MACROD2: variants seen among roughly 807,000 people sequenced by gnomAD.
The protein encoded by MACROD2 is mono-ADP ribosylhydrolase 2, also known as ADP-ribose glycohydrolase MACROD2.
In MACROD2, 36 loss-of-function variants were observed where a neutral mutation model predicts 70.4. That is an observed-to-expected ratio of 0.51 (90% CI 0.39 to 0.68). The LOEUF (loss-of-function observed/expected upper bound fraction) is 0.68, where lower values mean the gene tolerates loss of function less well. Among genes scored for constraint, MACROD2 ranks in the 30% least tolerant of loss-of-function variants. The pLI is 0.00. For synonymous variants in MACROD2, 172 were observed against 178.8 expected, an observed-to-expected ratio of 0.96 and a Z score of 0.30; for missense variants, 496 against 538.4, an observed-to-expected ratio of 0.92 and a Z score of 0.78.
chr20:14,259,432 G>C (rs1050154037), intron 3 of MACROD2, among the ~76,000 whole-genome samples: 11 of 152,086 alleles, frequency 7.2e-5, no homozygotes, highest in African/African-American at 2.7e-4. Flanking sequence ...TCCTTTGGGA[G>C]CTATTTTGCT....
chr20:14,821,763 A>G (rs2072847448), intron 5 of MACROD2, among the ~76,000 whole-genome samples: 3 of 152,198 alleles, frequency 2.0e-5, no homozygotes, highest in South Asian at 2.1e-4. Context: ...AGAACACTCA[A>G]GACCACTGGG....
chr20:14,189,973 A>G (rs1417188170), intron 3 of MACROD2, among the ~76,000 whole-genome samples: 1 of 152,194 alleles, frequency 6.6e-6, no homozygotes, highest in Non-Finnish European at 1.5e-5. Context: ...ACATTTACAT[A>G]AAGCTTCACT....
intron 8 of MACROD2, among the ~76,000 whole-genome samples, chr20:15,772,458 A>G (rs2051652361): frequency 6.6e-6 from 1 of 152,090 alleles, no homozygotes; most frequent in Non-Finnish European, 1.5e-5. Flanking sequence ...TCAACTGGCA[A>G]GGAAGCTAAG....
intron 5 of MACROD2, among the ~76,000 whole-genome samples, chr20:15,033,975 T>C (rs1400955001): frequency 6.6e-6 from 1 of 152,202 alleles, no homozygotes; most frequent in East Asian, 1.9e-4. Context: ...AACATCAGTG[T>C]ATATTTGTGA....
chr20:14,757,716 A>G (rs2064661558), intron 5 of MACROD2: 1 of 1,513,408 alleles, frequency 6.6e-7, no homozygotes, highest in African/African-American at 1.4e-5. Flanking sequence ...CAGTCTCTCA[A>G]GTCCCGAGGC....
At chr20:15,801,969 A>C (rs942944391) in intron 8 of MACROD2, among the ~76,000 whole-genome samples, 5 of 152,092 alleles carry the variant, frequency 3.3e-5, no homozygotes, top group Non-Finnish European at 5.9e-5. Flanking sequence ...GGCTATTATA[A>C]ATTGAATTGC....
At chr20:14,240,547 G>T (rs543202088) in intron 3 of MACROD2, among the ~76,000 whole-genome samples, 1 of 152,248 alleles carries the variant, frequency 6.6e-6, no homozygotes, top group African/African-American at 2.4e-5. Context: ...CAGCAATATG[G>T]ATGGAGCTGG....
At chr20:16,046,908 C>T (rs1170904669) in intron 17 of MACROD2, among the ~76,000 whole-genome samples, 1 of 152,036 alleles carries the variant, frequency 6.6e-6, no homozygotes, top group Non-Finnish European at 1.5e-5. Context: ...TCTTGAATTC[C>T]TGATCTCAAG....
intron 16 of MACROD2, among the ~76,000 whole-genome samples, chr20:16,044,236 A>G (rs1028935367): frequency 3.3e-5 from 5 of 152,056 alleles, no homozygotes; most frequent in Non-Finnish European, 7.4e-5. Flanking sequence ...TTAAACAACC[A>G]GATCTCATAT....
At chr20:14,586,504 A>G (rs1402855366) in intron 4 of MACROD2, among the ~76,000 whole-genome samples, 1 of 152,112 alleles carries the variant, frequency 6.6e-6, no homozygotes, top group African/African-American at 2.4e-5. Context: ...TAGTTTCAAT[A>G]TCAAAAGACG....
chr20:15,854,419 A>G (rs1384158727), intron 8 of MACROD2, among the ~76,000 whole-genome samples: 2 of 152,164 alleles, frequency 1.3e-5, no homozygotes, highest in Non-Finnish European at 2.9e-5. Context: ...TGCAACTGCA[A>G]GGGATCAAAT....
intron 8 of MACROD2, among the ~76,000 whole-genome samples, chr20:15,667,907 A>G (rs191526148): frequency 6.6e-6 from 1 of 152,302 alleles, no homozygotes; most frequent in Non-Finnish European, 1.5e-5. Flanking sequence ...GTAAACTACA[A>G]GTTCCATCTT....
At chr20:15,153,960 G>A (rs184578306) in intron 5 of MACROD2, among the ~76,000 whole-genome samples, 14 of 152,240 alleles carry the variant, frequency 9.2e-5, no homozygotes, top group African/African-American at 3.4e-4. Context: ...ACAAATGATT[G>A]GAGTTATAAT....
At chr20:16,031,081 AGAT>A (rs1319864780) in intron 15 of MACROD2, among the ~76,000 whole-genome samples, 1 of 152,152 alleles carries the variant, frequency 6.6e-6, no homozygotes, top group Non-Finnish European at 1.5e-5. Flanking sequence ...GAAAATAAAA[AGAT>A]GACAATCCAG....
chr20:14,350,028 C>A lies in MACROD2; in HGVS notation c.272-143451C>A, dbSNP rs373840137. On this transcript the variant is annotated intron_variant, in intron 3 of 17. Transcript: ENST00000684519. ...CCTCCCAAAGTGCTGGGATTACAGG[C>A]GTGAGCCACTGTGCCTGGCCATCTT... Among the ~76,000 whole-genome samples, 40 of 151,786 alleles carry A rather than the reference C, an allele frequency of 2.6e-4. 1 individual carries two copies. The East Asian group carries it at 7.0e-3, about 27-fold the overall frequency.
chr20:14,058,240 A>G (rs1003068229), intron 2 of MACROD2, among the ~76,000 whole-genome samples: 16 of 152,150 alleles, frequency 1.1e-4, no homozygotes, highest in African/African-American at 3.9e-4. Flanking sequence ...ACGGTAAGCA[A>G]AAAATACTGC....
rs1600916545 is a variant in MACROD2, at chr20:14,990,005, T to C, written c.419-239935T>C. On this transcript the variant is annotated intron_variant, in intron 5 of 17. Coordinates refer to ENST00000684519, the MANE Select transcript of MACROD2 (RefSeq NM_001351661.2). ...TTTCTCTGGGGATCTTGATGAGCTG[T>C]GGTTACATAGCTCTAAAATGGTCCT... 2.6e-5 allele frequency among the ~76,000 whole-genome samples: 4 copies of C among 152,114 alleles called. No individual in the cohort carries two copies. The South Asian group carries it at 8.3e-4, about 32-fold the overall frequency.
intron 2 of MACROD2, among the ~76,000 whole-genome samples, chr20:14,056,256 C>T (rs2053629917): frequency 1.3e-5 from 2 of 151,712 alleles, no homozygotes; most frequent in African/African-American, 2.4e-5. Flanking sequence ...GTGACAAAAC[C>T]CCCTTTATCA....
At chr20:15,848,449 A>G (rs1007292317) in intron 8 of MACROD2, among the ~76,000 whole-genome samples, 5 of 152,204 alleles carry the variant, frequency 3.3e-5, no homozygotes, top group Non-Finnish European at 7.3e-5. Flanking sequence ...TGAATATTAT[A>G]GATACTACAT....
Sources: allele counts gnomAD v4.1 joint callset (sites outside exome capture counted in the v4.1 genomes callset), GRCh38; gene constraint gnomAD v4.1.1; transcripts MANE v1.5; gene names NCBI Gene and HGNC (gene_info 2026-07-23, HGNC 2026-07-21).